The following STIM1 variants were observed in gnomAD, a reference collection of about 807,000 sequenced individuals.
STIM1 encodes the protein stromal interaction molecule 1.
In STIM1, 25 loss-of-function variants were observed where a neutral mutation model predicts 74.7. The ratio of observed to expected loss-of-function variants is 0.33; its 90% CI spans 0.24 to 0.47. STIM1 has a LOEUF of 0.47. STIM1 is among the 20% of genes least tolerant of loss of function. The pLI is 1.00. For synonymous variants in STIM1, 328 were observed against 348.8 expected (o/e 0.94, Z 0.66); for missense variants, 728 against 920.8 (o/e 0.79, Z 2.71).
intron 5 of STIM1, among the ~76,000 whole-genome samples, chr11:4,065,458 C>CAGGAAAATACAAA (rs2094359193): frequency 6.6e-6 from 1 of 151,146 alleles, no homozygotes; most frequent in Non-Finnish European, 1.5e-5. Context: ...TAGGAACCCA[C>CAGGAAAATACAAA]AGCCCTTTGT....
At chr11:3,892,493 G>A (rs4092197) in intron 1 of STIM1, 3 of 1,552,348 alleles carry the variant, frequency 1.9e-6, no homozygotes, top group African/African-American at 1.4e-5. Flanking sequence ...GCCTTCTTTC[G>A]CCTTGCCAAA....
chr11:3,858,102 G>A (rs1484376228), intron 1 of STIM1, among the ~76,000 whole-genome samples: 2 of 152,114 alleles, frequency 1.3e-5, no homozygotes, highest in Non-Finnish European at 2.9e-5. Flanking sequence ...CTGATAATAT[G>A]TCTTTTTTCA....
intron 1 of STIM1, among the ~76,000 whole-genome samples, chr11:3,964,174 C>CT (rs1195259444): frequency 6.6e-6 from 1 of 152,174 alleles, no homozygotes; most frequent in Non-Finnish European, 1.5e-5. Context: ...TGTTCTGACT[C>CT]TAAGTCCAGG....
At chr11:3,885,398 G>T (rs1423261805) in intron 1 of STIM1, among the ~76,000 whole-genome samples, 1 of 151,952 alleles carries the variant, frequency 6.6e-6, no homozygotes, top group Non-Finnish European at 1.5e-5. Context: ...TGTTGCCTAG[G>T]CTGGTCTTGA....
chr11:4,058,530 G>A (rs991854776), intron 4 of STIM1, among the ~76,000 whole-genome samples: 28 of 152,166 alleles, frequency 1.8e-4, no homozygotes, highest in Non-Finnish European at 8.8e-5. Context: ...TAGACCAGTG[G>A]TTTTCAACCT....
chr11:3,892,570 G>T, intron 1 of STIM1: 1 of 1,601,622 alleles, frequency 6.2e-7, no homozygotes, highest in South Asian at 1.1e-5. Flanking sequence ...AACTGTTTGT[G>T]TTGGGTCCAG....
At position 3,911,809 on chromosome 11, in the gene STIM1, A is replaced by G. The variant is rs2135482117; in HGVS notation, c.139+55400A>G. On this transcript the variant is annotated intron_variant, in intron 1 of 12. Transcript: ENST00000526596. ...TATTCTACTGTTACTCTCCTATCAT[A>G]CTTTATATGTCTCAGTTATCTTGCT... Among the ~76,000 whole-genome samples the G allele has an allele frequency of 2.0e-5, 3 of 152,096 alleles. No homozygotes were observed. In the East Asian group the frequency reaches 5.8e-4, roughly 29 times the overall value.
intron 2 of STIM1, among the ~76,000 whole-genome samples, chr11:3,979,201 A>G (rs10734400): frequency 0.77 from 116,492 of 151,980 alleles, 45,766 homozygotes; most frequent in South Asian, 0.9. Flanking sequence ...AATAATAATT[A>G]TATTCCCTTT....
At chr11:3,996,064 T>A (rs572061582) in intron 2 of STIM1, among the ~76,000 whole-genome samples, 234 of 152,278 alleles carry the variant, frequency 1.5e-3, no homozygotes, top group Non-Finnish European at 2.7e-3. Context: ...TCTACTCTTT[T>A]GAGAGTACCC....
At chr11:3,864,968 G>C (rs1301993405) in intron 1 of STIM1, among the ~76,000 whole-genome samples, 1 of 152,076 alleles carries the variant, frequency 6.6e-6, no homozygotes, top group Non-Finnish European at 1.5e-5. Context: ...GCTCCAATTA[G>C]AAACTAGCTT....
chr11:3,990,497 T>C (rs2093600453), intron 2 of STIM1, among the ~76,000 whole-genome samples: 1 of 152,226 alleles, frequency 6.6e-6, no homozygotes, highest in Non-Finnish European at 1.5e-5. Flanking sequence ...TTTACCTGTT[T>C]TAGGAACTGC....
At chr11:3,854,881 T>C (rs1215663609), upstream of STIM1, 1 of 152,298 alleles carries the variant, frequency 6.6e-6, no homozygotes, top group African/African-American at 2.4e-5. Flanking sequence ...GGTTTGGACA[T>C]TTCATTTTGC....
At chr11:4,083,720 T>C in intron 10 of STIM1, 1 of 584,080 alleles carries the variant, frequency 1.7e-6, no homozygotes, top group Non-Finnish European at 3.1e-6. Flanking sequence ...CCTTTGGGTC[T>C]ATTGTGCTAA....
At chr11:4,074,114 A>G (rs1280616895) in intron 6 of STIM1, among the ~76,000 whole-genome samples, 1 of 152,214 alleles carries the variant, frequency 6.6e-6, no homozygotes, top group East Asian at 1.9e-4. Context: ...TCTTCCTACA[A>G]GTTGCAAGAC....
intron 1 of STIM1, among the ~76,000 whole-genome samples, chr11:3,858,506 A>ACAAT (rs2090475275): frequency 6.6e-6 from 1 of 152,188 alleles, no homozygotes; most frequent in Non-Finnish European, 1.5e-5. Context: ...TGGAGGTTCT[A>ACAAT]GCACTATTGT....
intron 1 of STIM1, among the ~76,000 whole-genome samples, chr11:3,937,083 G>C (rs951400392): frequency 1.3e-5 from 2 of 151,862 alleles, no homozygotes; most frequent in Admixed American, 1.3e-4. Flanking sequence ...AGGAGTCCAG[G>C]AGTTGAAGAC....
intron 2 of STIM1, among the ~76,000 whole-genome samples, chr11:3,985,122 C>G (rs1439746233): frequency 6.6e-6 from 1 of 152,160 alleles, no homozygotes; most frequent in African/African-American, 2.4e-5. Context: ...TGGTACCCCT[C>G]ATGTTTCCAG....
intron 5 of STIM1, among the ~76,000 whole-genome samples, chr11:4,060,136 A>G (rs2094320685): frequency 6.6e-6 from 1 of 152,214 alleles, no homozygotes; most frequent in South Asian, 2.1e-4. Flanking sequence ...GGTCTAGTTG[A>G]GAGAATTAGG....
intron 12 of STIM1, chr11:4,086,950 A>C: frequency 1.4e-6 from 2 of 1,460,004 alleles, no homozygotes; most frequent in East Asian, 2.5e-5. Context: ...TGCTTGATCA[A>C]CTCTGGGGGT....
Sources: gnomAD v4.1 joint callset for allele counts (sites outside exome capture counted in the v4.1 genomes callset) on GRCh38, gnomAD v4.1.1 for gene constraint, MANE v1.5 for transcripts, NCBI Gene and HGNC (gene_info 2026-07-23, HGNC 2026-07-21) for gene names.